Variants in PTCHD4 observed in about 807,000 individuals in gnomAD.
PTCHD4 encodes the protein patched domain-containing protein 4.
A neutral mutation model predicts 58.1 loss-of-function variants in PTCHD4; 33 were observed. The ratio of observed to expected loss-of-function variants is 0.57; its 90% CI spans 0.43 to 0.76. The LOEUF (loss-of-function observed/expected upper bound fraction) is 0.76. Among genes scored for constraint, PTCHD4 ranks in the 30% least tolerant of loss-of-function variants. PTCHD4 has a pLI of 0.00. For missense variants in PTCHD4, 1,058 were observed against 1,027.1 expected, an observed-to-expected ratio of 1.03 and a Z score of -0.41; for synonymous variants, 478 against 409.6, an observed-to-expected ratio of 1.17 and a Z score of -2.02.
chr6:47,881,104 A>T lies in PTCHD4; in HGVS notation c.899-1168T>A, dbSNP rs138240829. Among the ~76,000 whole-genome samples the T allele has an allele frequency of 9.3e-3, 1,409 of 152,282 alleles. 4 individuals are homozygous for T. The highest frequency in any genetic ancestry group is 0.015 in the Non-Finnish European group (1,001 of 68,010). On this transcript the variant is annotated intron_variant, in intron 4 of 4. Transcript: ENST00000339488. ...GTTCTCCAAGGAATCCATTAGACAA[A>T]GACATAGCTGAAAGGCACAAAATCA... is the stretch of plus-strand genomic sequence containing the variant.
intron 4 of PTCHD4, among the ~76,000 whole-genome samples, chr6:47,984,542 T>C (rs2814480): frequency 0.97 from 147,979 of 152,224 alleles, 71,939 homozygotes; most frequent in East Asian, 1. Flanking sequence ...ATTTGGGTGA[T>C]GACACAGCCA....
chr6:47,876,815 C>T lies in PTCHD4; in HGVS notation c.*1488G>A, dbSNP rs1452624988. 6.6e-6 allele frequency among the ~76,000 whole-genome samples: 1 copy of T among 152,024 alleles called. No homozygotes were observed. On this transcript the variant is annotated 3_prime_UTR_variant, in exon 5 of 5. Coordinates refer to ENST00000339488, the MANE Select transcript of PTCHD4 (RefSeq NM_001384253.1). ...AGCAATAGTCCAAGTAAGCACCCAA[C>T]AGGTGCTTGGGAGTAGTTTTAAACT... is the stretch of plus-strand genomic sequence containing the variant.
intron 1 of PTCHD4, among the ~76,000 whole-genome samples, chr6:48,103,612 C>T (rs1053200353): frequency 6.6e-6 from 1 of 152,046 alleles, no homozygotes; most frequent in Non-Finnish European, 1.5e-5. Flanking sequence ...ATGACTTTGA[C>T]GAGTTGAGAG....
intron 3 of PTCHD4, among the ~76,000 whole-genome samples, chr6:48,012,572 TC>T (rs200687845): frequency 0.01 from 1,568 of 152,330 alleles, 38 homozygotes; most frequent in African/African-American, 0.036. Context: ...TATTTCTTTC[TC>T]TTTCCTGATT....
chr6:48,054,197 C>T (rs1764330788), intron 3 of PTCHD4, among the ~76,000 whole-genome samples: 1 of 152,106 alleles, frequency 6.6e-6, no homozygotes, highest in Non-Finnish European at 1.5e-5. Flanking sequence ...TTTGAAGAAT[C>T]ATTGAACTAT....
At chr6:48,034,716 C>A (rs568937622) in intron 3 of PTCHD4, among the ~76,000 whole-genome samples, 52 of 152,206 alleles carry the variant, frequency 3.4e-4, no homozygotes, top group African/African-American at 1.2e-3. Context: ...GCACTTCCAT[C>A]GGATCTAATT....
Position 48,005,537 on chromosome 6 carries a change from A to T in PTCHD4, c.898+3097T>A, listed in dbSNP as rs182856895. Among the ~76,000 whole-genome samples the T allele has an allele frequency of 4.3e-3, 657 of 152,322 alleles. 13 individuals are homozygous for T. The highest frequency in any genetic ancestry group is 8.5e-4 in the Non-Finnish European group (58 of 68,038). Reference sequence around the variant, plus strand: ...AGCAGATATATATGTGGCAAACACAACGTATTTATGCTCAACTTCACATTC... The same window carrying T: ...AGCAGATATATATGTGGCAAACACATCGTATTTATGCTCAACTTCACATTC... On this transcript the variant is annotated intron_variant, in intron 4 of 4. Transcript: ENST00000339488.
Position 47,875,173 on chromosome 6 carries a change from T to G in PTCHD4, c.*3130A>C, listed in dbSNP as rs1289209348. ...CAAAGCTAACATATTTCCCACAAAT[T>G]TCTTCTCTTCTAGGAGTTGATTGGT... On this transcript the variant is annotated 3_prime_UTR_variant, in exon 5 of 5. Coordinates refer to ENST00000339488, the MANE Select transcript of PTCHD4 (RefSeq NM_001384253.1). 6.6e-6 allele frequency among the ~76,000 whole-genome samples: 1 copy of G among 151,870 alleles called. No homozygotes were observed. Among genetic ancestry groups the G allele is most frequent in the African/African-American group, 2.4e-5 (1 of 41,402 alleles).
intron 1 of PTCHD4, among the ~76,000 whole-genome samples, chr6:48,096,716 A>G (rs1765477669): frequency 6.6e-6 from 1 of 152,144 alleles, no homozygotes; most frequent in South Asian, 2.1e-4. Context: ...CAGCAACAGC[A>G]TGGGGCAATA....
intron 4 of PTCHD4, among the ~76,000 whole-genome samples, chr6:47,994,163 G>T (rs1768387057): frequency 6.6e-6 from 1 of 152,152 alleles, no homozygotes; most frequent in Non-Finnish European, 1.5e-5. Flanking sequence ...GAGGACAAGG[G>T]ATACTGGGTG....
chr6:48,076,002 A>G (rs781149062), intron 1 of PTCHD4, among the ~76,000 whole-genome samples: 2 of 152,196 alleles, frequency 1.3e-5, no homozygotes, highest in Non-Finnish European at 2.9e-5. Context: ...CATTTCACCC[A>G]CTGCGGAACT....
At chr6:48,103,030 G>A (rs1026750191) in intron 1 of PTCHD4, among the ~76,000 whole-genome samples, 1 of 152,224 alleles carries the variant, frequency 6.6e-6, no homozygotes, top group Non-Finnish European at 1.5e-5. Flanking sequence ...TCTGGGGGCA[G>A]GGCACAGACA....
chr6:47,948,675 A>T (rs899576925), intron 4 of PTCHD4, among the ~76,000 whole-genome samples: 4 of 152,090 alleles, frequency 2.6e-5, no homozygotes, highest in Admixed American at 2.6e-4. Context: ...CTTACCTTTA[A>T]TCTGACTTCC....
chr6:47,871,541 T>G lies in PTCHD4; in HGVS notation c.*6762A>C, dbSNP rs1214717465. 1.3e-5 allele frequency among the ~76,000 whole-genome samples: 2 copies of G among 151,616 alleles called. No individual in the cohort carries two copies. Among genetic ancestry groups the G allele is most frequent in the Non-Finnish European group, 3.0e-5 (2 of 67,700 alleles). Reference sequence around the variant, plus strand: ...GACAACTAACAACTGCCTTGAAAGATTTCATATTAATGAATATTATGTTAA... The same window carrying G: ...GACAACTAACAACTGCCTTGAAAGAGTTCATATTAATGAATATTATGTTAA... On this transcript the variant is annotated 3_prime_UTR_variant, in exon 5 of 5. Coordinates refer to ENST00000339488, the MANE Select transcript of PTCHD4 (RefSeq NM_001384253.1).
chr6:48,058,887 A>C (rs1764512938), intron 3 of PTCHD4, among the ~76,000 whole-genome samples: 1 of 152,144 alleles, frequency 6.6e-6, no homozygotes. Context: ...ATCTTATTAC[A>C]CTTACTAAGG....
chr6:48,021,932 T>A (rs1763085158), intron 3 of PTCHD4, among the ~76,000 whole-genome samples: 3 of 152,076 alleles, frequency 2.0e-5, no homozygotes, highest in Non-Finnish European at 2.9e-5. Flanking sequence ...TGAAGCCAAA[T>A]GAAACAAATA....
intron 1 of PTCHD4, among the ~76,000 whole-genome samples, chr6:48,075,603 C>T (rs1562040882): frequency 6.6e-6 from 1 of 152,132 alleles, no homozygotes; most frequent in Non-Finnish European, 1.5e-5. Flanking sequence ...AGGTTCATTT[C>T]CAGACCATCA....
chr6:47,936,276 G>T (rs550395239), intron 4 of PTCHD4, among the ~76,000 whole-genome samples: 19 of 152,298 alleles, frequency 1.2e-4, no homozygotes, highest in African/African-American at 4.1e-4. Context: ...TATCCAATAT[G>T]ATTTGATACA....
intron 1 of PTCHD4, among the ~76,000 whole-genome samples, chr6:48,079,605 C>A (rs1156811619): frequency 6.6e-6 from 1 of 150,840 alleles, no homozygotes; most frequent in African/African-American, 2.4e-5. Flanking sequence ...GGGTTTGGCA[C>A]AGAGAGAGTG....
Sources: allele counts gnomAD v4.1 joint callset (sites outside exome capture counted in the v4.1 genomes callset), GRCh38; gene constraint gnomAD v4.1.1; transcripts MANE v1.5; gene names NCBI Gene and HGNC (gene_info 2026-07-23, HGNC 2026-07-21).